Variants in PCSK5 observed in about 807,000 individuals in gnomAD.
PCSK5 encodes prohormone convertase 5.
PCSK5 carries 129 observed loss-of-function variants against 233.2 expected under a neutral mutation model. The observed-to-expected ratio is 0.55, with a 90% CI of 0.48 to 0.64. The LOEUF is 0.64. Among genes scored for constraint, PCSK5 ranks in the 30% least tolerant of loss-of-function variants. The pLI is 0.00. For missense variants in PCSK5, 2,076 were observed against 2,430.1 expected (o/e 0.85, Z 3.06); for synonymous variants, 825 against 879.2 (o/e 0.94, Z 1.09).
Position 76,226,696 on chromosome 9 carries a change from C to G in PCSK5, c.2627-807C>G, listed in dbSNP as rs141468467. ...GGCTCTGTGGATCTGACCAAAGAAG[C>G]CTGTCAATTTTTTTTAAGACAATAG... On this transcript the variant is annotated intron_variant, in intron 20 of 37. Transcript: ENST00000674117. Among the ~76,000 whole-genome samples the G allele has an allele frequency of 2.0e-4, 30 of 152,216 alleles. No homozygotes were observed. In the East Asian group the frequency reaches 5.0e-3, roughly 25 times the overall value.
chr9:76,189,536 G>A (rs1213255841), intron 19 of PCSK5, 95 bp from the exon 20 acceptor site: 23 of 775,540 alleles, frequency 3.0e-5, no homozygotes, highest in South Asian at 1.5e-4. Context: ...TCTTCAGAGG[G>A]ATAATTAAAT....
chr9:76,036,719 T>C (rs1828873975), intron 5 of PCSK5, among the ~76,000 whole-genome samples: 2 of 152,226 alleles, frequency 1.3e-5, no homozygotes. Context: ...AGAGGGTAAA[T>C]AATGTGCCTA....
chr9:75,905,758 C>T (rs1169088318), intron 1 of PCSK5, among the ~76,000 whole-genome samples: 5 of 152,080 alleles, frequency 3.3e-5, no homozygotes, highest in African/African-American at 7.2e-5. Context: ...GTGAACTGTG[C>T]ATGTGAGGGA....
Position 76,188,629 on chromosome 9 carries a change from C to T in PCSK5, c.2334C>T (p.Asn778=), listed in dbSNP as rs767285014. Residue 778 remains asparagine, a synonymous_variant, in exon 18 of 38, where the codon AAC becomes AAT. Transcript: ENST00000674117. The part of the protein sequence containing the change: ...SVSCEDGRYF[N]GQDCQPCHRF... The stretch of plus-strand genomic sequence containing the variant: ...CCTGTGAAGATGGACGGTATTTCAA[C>T]GGCCAGGACTGCCAGCCCTGCCACC... 35 of 1,613,856 alleles carry T rather than the reference C, an allele frequency of 2.2e-5. No homozygotes were observed. The highest frequency in any genetic ancestry group is 1.3e-4 in the Admixed American group (8 of 60,000).
At chr9:76,221,606 A>G (rs1191714280) in intron 20 of PCSK5, among the ~76,000 whole-genome samples, 1 of 152,202 alleles carries the variant, frequency 6.6e-6, no homozygotes, top group Non-Finnish European at 1.5e-5. Flanking sequence ...CTACATCACT[A>G]CTACATTCAG....
chr9:76,209,659 A>T, intron 20 of PCSK5: 1 of 390,202 alleles, frequency 2.6e-6, no homozygotes, highest in South Asian at 2.0e-5. Flanking sequence ...CCACATGGCA[A>T]GTTGTGGTCT....
Position 76,361,976 on chromosome 9 carries a change from T to C in PCSK5, c.*3054T>C, listed in dbSNP as rs1260059342. 6.6e-6 allele frequency: 1 copy of C among 152,244 alleles called. No individual in the cohort carries two copies. Among genetic ancestry groups the C allele is most frequent in the Admixed American group, 6.5e-5 (1 of 15,276 alleles). 9.4% of individuals were successfully genotyped at this position (152,244 alleles called of 1,614,324 possible). ...TGTTTTCTATGAAAAAAAAACTCTA[T>C]GATACACAGTTAAAGATTGGTTGAG... is the stretch of plus-strand genomic sequence containing the variant. On this transcript the variant is annotated 3_prime_UTR_variant, in exon 38 of 38. Transcript: ENST00000674117.
Position 75,891,021 on chromosome 9 carries a change from C to G in PCSK5, c.-161C>G. On this transcript the variant is annotated 5_prime_UTR_variant, in exon 1 of 38. Coordinates refer to ENST00000674117, the MANE Select transcript of PCSK5 (RefSeq NM_001372043.1). ...AGCCGGCGTAAGGCTCGCTGCTCTG[C>G]TCCCTGCCGGGGCTAGCCGCCTCCT... The G allele has an allele frequency of 1.8e-6, 1 of 561,812 alleles. No individual in the cohort carries two copies. The highest frequency in any genetic ancestry group is 2.8e-6 in the Non-Finnish European group (1 of 351,118). 34.8% of individuals were successfully genotyped at this position (561,812 alleles called of 1,614,324 possible). A position where few individuals can be genotyped will look rare whatever the true frequency, so the allele number is the denominator to read the frequency against.
chr9:76,108,049 A>AT (rs922024864), intron 9 of PCSK5, among the ~76,000 whole-genome samples: 1 of 152,178 alleles, frequency 6.6e-6, no homozygotes, highest in African/African-American at 2.4e-5. Flanking sequence ...ACTAGAATTC[A>AT]TTTTTTGGCA....
At chr9:76,033,873 C>T (rs939235075) in intron 5 of PCSK5, among the ~76,000 whole-genome samples, 6 of 152,092 alleles carry the variant, frequency 3.9e-5, no homozygotes, top group African/African-American at 9.7e-5. Flanking sequence ...TAGTCACCAC[C>T]GCCCAAAGCC....
At chr9:76,194,342 T>A (rs1335702900) in intron 20 of PCSK5, 1 of 152,114 alleles carries the variant, frequency 6.6e-6, no homozygotes, top group Non-Finnish European at 1.5e-5. Context: ...TCCCAAGAGG[T>A]CCTGTATTTT....
chr9:76,289,592 C>A (rs903547), intron 24 of PCSK5, among the ~76,000 whole-genome samples: 32,692 of 151,134 alleles, frequency 0.22, 3,740 homozygotes, highest in Middle Eastern at 0.3. Flanking sequence ...CACCCCTCCT[C>A]ACCATCTAAA....
At chr9:76,336,762 T>C (rs1829688565) in intron 34 of PCSK5, among the ~76,000 whole-genome samples, 1 of 152,168 alleles carries the variant, frequency 6.6e-6, no homozygotes, top group Admixed American at 6.6e-5. Flanking sequence ...AATTACATGT[T>C]TAATTGTAGG....
chr9:76,227,712 A>C (rs1825942958), intron 21 of PCSK5, 107 bp downstream of exon 21: 3 of 708,832 alleles, frequency 4.2e-6, no homozygotes, highest in Non-Finnish European at 2.5e-6. Flanking sequence ...GCAGTGAAAA[A>C]GAAGCAAACT....
chr9:76,114,302 C>G (rs1832341834), intron 9 of PCSK5, among the ~76,000 whole-genome samples: 1 of 152,120 alleles, frequency 6.6e-6, no homozygotes, highest in Non-Finnish European at 1.5e-5. Context: ...ATAATTGTAA[C>G]CAGACCCAAA....
intron 7 of PCSK5, among the ~76,000 whole-genome samples, chr9:76,086,796 C>A (rs1831081776): frequency 1.3e-5 from 2 of 152,094 alleles, no homozygotes; most frequent in Admixed American, 1.3e-4. Context: ...AACATCATTT[C>A]CTTAGTTCCC....
At chr9:76,301,563 C>T (rs950825143) in intron 27 of PCSK5, among the ~76,000 whole-genome samples, 2 of 152,246 alleles carry the variant, frequency 1.3e-5, no homozygotes, top group African/African-American at 2.4e-5. Context: ...ATGTTTACAG[C>T]TGGGCACGGT....
At chr9:76,323,315 G>A in intron 32 of PCSK5, 27 bp downstream of exon 32, 1 of 1,393,038 alleles carries the variant, frequency 7.2e-7, no homozygotes, top group Non-Finnish European at 1.0e-6. Flanking sequence ...TTCAAAATAG[G>A]CTCCGGGGTT....
chr9:76,350,783 GAAAT>G (rs758288245), intron 35 of PCSK5, 41 bp from the exon 36 acceptor site: 17 of 1,146,970 alleles, frequency 1.5e-5, no homozygotes, highest in Non-Finnish European at 2.1e-5. Flanking sequence ...GACAGAAGTT[GAAAT>G]CTAAGGTCAA....
Sources: allele counts gnomAD v4.1 joint callset (sites outside exome capture counted in the v4.1 genomes callset), GRCh38; gene constraint gnomAD v4.1.1; transcripts MANE v1.5; gene names NCBI Gene and HGNC (gene_info 2026-07-23, HGNC 2026-07-21).